ZDHHC13: variants seen among roughly 807,000 people sequenced by gnomAD.
ZDHHC13 encodes the protein palmitoyltransferase ZDHHC13.
Under a neutral mutation model 86.0 loss-of-function variants are expected in ZDHHC13, and 85 were observed. The observed-to-expected ratio is 0.99, with a 90% CI of 0.83 to 1.18. The LOEUF (loss-of-function observed/expected upper bound fraction) is 1.18, where lower values mean the gene tolerates loss of function less well. ZDHHC13 is among the 50% of genes most tolerant of loss of function. The pLI is 0.00. For missense variants in ZDHHC13, 711 were observed against 730.2 expected (o/e 0.97, Z 0.30); for synonymous variants, 263 against 246.4 (o/e 1.07, Z -0.63).
intron 1 of ZDHHC13, among the ~76,000 whole-genome samples, chr11:19,135,848 C>A (rs372959021): frequency 2.6e-5 from 4 of 152,200 alleles, no homozygotes; most frequent in Non-Finnish European, 2.9e-5. Context: ...TCCAACAGAC[C>A]TGCAGCTGAG....
chr11:19,176,182 A>T lies in ZDHHC13; in HGVS notation c.*222A>T. ...ATCTTGGCAGACATCTAAAAAAAAAACCATATTTTTCACAAGAAAATGCAA... is the reference window on the plus strand; with the variant it reads ...ATCTTGGCAGACATCTAAAAAAAAATCCATATTTTTCACAAGAAAATGCAA... On this transcript the variant is annotated 3_prime_UTR_variant, in exon 17 of 17. Coordinates refer to ENST00000446113, the MANE Select transcript of ZDHHC13 (RefSeq NM_019028.3). 2.7e-6 allele frequency: 1 copy of T among 374,028 alleles called. No individual in the cohort carries two copies. Among genetic ancestry groups the T allele is most frequent in the Non-Finnish European group, 4.6e-6 (1 of 216,904 alleles). The allele number at this position is 374,028 out of a possible 1,614,324, so 23.2% of individuals were successfully genotyped here.
At chr11:19,120,090 C>T (rs1848730394) in intron 1 of ZDHHC13, among the ~76,000 whole-genome samples, 1 of 152,226 alleles carries the variant, frequency 6.6e-6, no homozygotes, top group African/African-American at 2.4e-5. Flanking sequence ...TCATTCATGA[C>T]ATCTCTGTGT....
chr11:19,145,360 G>T (rs1469578015), intron 2 of ZDHHC13, among the ~76,000 whole-genome samples: 1 of 151,984 alleles, frequency 6.6e-6, no homozygotes, highest in Non-Finnish European at 1.5e-5. Context: ...TTCACTCTCT[G>T]TCCTCACCCT....
In ZDHHC13 at chr11:19,150,730, G is replaced by A; in HGVS notation, c.523G>A (p.Val175Met). 3 of 1,606,080 alleles carry A rather than the reference G, an allele frequency of 1.9e-6. No homozygotes were observed. The highest frequency in any genetic ancestry group is 2.2e-5 in the East Asian group (1 of 44,698). Residue 175 changes from valine to methionine, a missense_variant, in exon 6 of 17, where the codon GTG becomes ATG. Val to Met is a conservative substitution (Grantham distance 21, BLOSUM62 1). Transcript: ENST00000446113. The part of the protein sequence containing the change: ...IAYLISKGQS[V>M]NMTDVNGQTP... Reference sequence around the variant, plus strand: ...TAATTGTCTTCTTTTTGAATAGAGTGTGAATATGACAGATGTAAATGGGCA... The same window carrying A: ...TAATTGTCTTCTTTTTGAATAGAGTATGAATATGACAGATGTAAATGGGCA...
At chr11:19,162,012 G>A (rs1010095672) in intron 10 of ZDHHC13, among the ~76,000 whole-genome samples, 1 of 152,172 alleles carries the variant, frequency 6.6e-6, no homozygotes. Flanking sequence ...TGACAAATGG[G>A]AGCATGAACA....
chr11:19,164,961 C>T (rs563761482), intron 12 of ZDHHC13, 91 bp from the exon 13 acceptor site: 1 of 1,044,584 alleles, frequency 9.6e-7, no homozygotes, highest in Non-Finnish European at 1.4e-6. Context: ...GTGCCAATGC[C>T]TCTGTGACCT....
chr11:19,120,696 G>A (rs1232940879), intron 1 of ZDHHC13, among the ~76,000 whole-genome samples: 2 of 152,148 alleles, frequency 1.3e-5, no homozygotes, highest in African/African-American at 4.8e-5. Context: ...ACTCTTCTGT[G>A]GAGGACAGTG....
chr11:19,152,320 G>A lies in ZDHHC13; in HGVS notation c.747G>A (p.Lys249=). 1 of 1,612,206 alleles carries A rather than the reference G, an allele frequency of 6.2e-7. No individual in the cohort carries two copies. The highest frequency in any genetic ancestry group is 8.5e-7 in the Non-Finnish European group (1 of 1,179,078). ...AGSSLDIQNV[K]GETPLDMALQ... ...CTAGCCTGGATATCCAGAATGTTAA[G>A]GTATGGCCAGATATTTATCTCCCTT... Residue 249 remains lysine, a splice_region_variant and synonymous_variant, in exon 7 of 17, where the codon AAG becomes AAA. Coordinates refer to ENST00000446113, the MANE Select transcript of ZDHHC13 (RefSeq NM_019028.3).
rs368578633 is a variant in ZDHHC13 at position 19,141,254 on chromosome 11, C to T, written c.28-1724C>T. 6.6e-5 allele frequency among the ~76,000 whole-genome samples: 10 copies of T among 151,970 alleles called. No individual in the cohort carries two copies. The East Asian group carries it at 1.7e-3, about 26-fold the overall frequency. On this transcript the variant is annotated intron_variant, in intron 1 of 16. Transcript: ENST00000446113. ...ATTGGTTATTATGTAAATGAGTAGT[C>T]AAAGATATCACTGTGATTAGGGTCA...
chr11:19,142,886 A>G lies in ZDHHC13; in HGVS notation c.28-92A>G, dbSNP rs1029400774. 71 of 1,310,900 alleles carry G rather than the reference A, an allele frequency of 5.4e-5. No homozygotes were observed. In the African/African-American group the frequency reaches 9.4e-4, roughly 17 times the overall value. The allele number at this position is 1,310,900 out of a possible 1,614,324, so 81.2% of individuals were successfully genotyped here. The stretch of plus-strand genomic sequence containing the variant: ...ACTCCAAAAAATGTAATTTATTAAT[A>G]TAGATATTGTTGATAGTAGCAAATG... On this transcript the variant is annotated intron_variant, in intron 1 of 16. Coordinates refer to ENST00000446113, the MANE Select transcript of ZDHHC13 (RefSeq NM_019028.3).
Position 19,175,906 on chromosome 11 carries a change from A to G in ZDHHC13, c.1815A>G (p.Ser605=). ...AGCCCTGTGTGGTAGATTGGACATC[A>G]CAGTACACCATGGTCTTTCACCCAG... ...LVKPCVVDWT[S]QYTMVFHPAR... Residue 605 remains serine (S), a synonymous_variant, in exon 17 of 17, where the codon TCA becomes TCG. Coordinates refer to ENST00000446113, the MANE Select transcript of ZDHHC13 (RefSeq NM_019028.3). The G allele has an allele frequency of 6.2e-7, 1 of 1,613,460 alleles. No homozygotes were observed. The highest frequency in any genetic ancestry group is 8.5e-7 in the Non-Finnish European group (1 of 1,179,722).
Position 19,143,122 on chromosome 11 carries a change from CAGTA to C in ZDHHC13, c.173+3_173+6del, listed in dbSNP as rs748690221. 6.2e-7 allele frequency: 1 copy of C among 1,610,384 alleles called. No individual in the cohort carries two copies. Among genetic ancestry groups the C allele is most frequent in the Non-Finnish European group, 8.5e-7 (1 of 1,177,966 alleles). On this transcript the variant is annotated splice_donor_variant and splice_donor_region_variant and coding_sequence_variant and intron_variant, in exon 2 of 17. Coordinates refer to ENST00000446113, the MANE Select transcript of ZDHHC13 (RefSeq NM_019028.3). LOFTEE classifies it high-confidence loss of function. ...TAACTGTGACATTGTCAAAGCTACT[CAGTA>C]AGTCTTCCAAATGCTTTGGTTTATC...
At chr11:19,175,800 C>G (rs775899113) in intron 16 of ZDHHC13, 22 bp from the exon 17 acceptor site, 1 of 1,603,626 alleles carries the variant, frequency 6.2e-7, no homozygotes, top group South Asian at 1.1e-5. Flanking sequence ...AAGACATGTT[C>G]TCTTTTTTTT....
Position 19,161,224 on chromosome 11 carries a change from G to A in ZDHHC13, c.1109-2079G>A, listed in dbSNP as rs552203781. Among the ~76,000 whole-genome samples, 4 of 152,064 alleles carry A rather than the reference G, an allele frequency of 2.6e-5. No homozygotes were observed. The East Asian group carries it at 7.7e-4, about 29-fold the overall frequency. On this transcript the variant is annotated intron_variant, in intron 10 of 16. Transcript: ENST00000446113. The stretch of plus-strand genomic sequence containing the variant: ...CTGGCCTATTAGGGGAAGACATTCT[G>A]GGGCACTATGGAAGAAGACAAAACG...
chr11:19,159,095 A>G, intron 10 of ZDHHC13, 55 bp downstream of exon 10: 1 of 1,299,302 alleles, frequency 7.7e-7, no homozygotes, highest in Non-Finnish European at 1.1e-6. Flanking sequence ...TAAAAGAGTA[A>G]TGTTATTGTT....
At position 19,170,500 on chromosome 11, in the gene ZDHHC13, T is replaced by A; in HGVS notation, c.1564T>A (p.Tyr522Asn). ...QIVACSPWVL[Y>N]ILMLATFHFS... is the part of the protein sequence containing the mutation. ...TGTGGCCTGTTCCCCTTGGGTTTTA[T>A]ATATCTTGATGCTAGCAACTTTCCA... The change falls in exon 15 of 17, where the codon TAT becomes AAT. Residue 522 changes from tyrosine (Y) to asparagine (N), a missense_variant. By Grantham distance (143) the Tyr-to-Asn change is moderately radical. Coordinates refer to ENST00000446113, the MANE Select transcript of ZDHHC13 (RefSeq NM_019028.3). The A allele has an allele frequency of 6.5e-7, 1 of 1,536,208 alleles. No individual in the cohort carries two copies. The highest frequency in any genetic ancestry group is 8.7e-7 in the Non-Finnish European group (1 of 1,142,988).
chr11:19,170,375 CTTTTTTTTTTTT>C (rs55637113), intron 14 of ZDHHC13, 24 bp from the exon 15 acceptor site: 8 of 1,235,208 alleles, frequency 6.5e-6, no homozygotes, highest in African/African-American at 2.2e-5. Flanking sequence ...AGTTTATTGC[CTTTTTTTTTTTT>C]TTTTTTTTTT....
chr11:19,152,754 G>A lies in ZDHHC13; in HGVS notation c.873+70G>A, dbSNP rs548243961. 23 of 1,600,962 alleles carry A rather than the reference G, an allele frequency of 1.4e-5. No homozygotes were observed. The East Asian group carries it at 4.7e-4, about 33-fold the overall frequency. On this transcript the variant is annotated intron_variant, in intron 8 of 16. Transcript: ENST00000446113. ...TGTTCATTTGGTTTTGTTTATTAAGGCATCAGAGGAAACCAGAGAGTTGGC... is the reference window on the plus strand; with the variant it reads ...TGTTCATTTGGTTTTGTTTATTAAGACATCAGAGGAAACCAGAGAGTTGGC...
chr11:19,153,922 T>C (rs993799826), intron 8 of ZDHHC13, among the ~76,000 whole-genome samples: 3 of 151,986 alleles, frequency 2.0e-5, no homozygotes, highest in Admixed American at 2.0e-4. Flanking sequence ...TAGTTCAGCC[T>C]TCAGTTTATG....
Sources: gnomAD v4.1 joint callset for allele counts (sites outside exome capture counted in the v4.1 genomes callset) on GRCh38, gnomAD v4.1.1 for gene constraint, MANE v1.5 for transcripts, NCBI Gene and HGNC (gene_info 2026-07-23, HGNC 2026-07-21) for gene names.